RYR2: variants seen among roughly 807,000 people sequenced by gnomAD.
The protein encoded by RYR2 is cardiac muscle ryanodine receptor-calcium release channel.
RYR2 carries 227 observed loss-of-function variants against 601.1 expected under a neutral mutation model. That is an observed-to-expected ratio of 0.38 (90% CI 0.34 to 0.42). RYR2 has a LOEUF of 0.42. RYR2 is among the 10% of genes least tolerant of loss of function. RYR2 has a pLI of 1.00. For synonymous variants in RYR2, 2,223 were observed against 2,175.1 expected (o/e 1.02, Z -0.61); for missense variants, 4,646 against 6,156.5 (o/e 0.75, Z 8.21).
At chr1:237,699,825 A>G (rs972630926) in intron 64 of RYR2, among the ~76,000 whole-genome samples, 2 of 152,220 alleles carry the variant, frequency 1.3e-5, no homozygotes, top group Non-Finnish European at 2.9e-5. Context: ...AACATTCTGT[A>G]TCATTTGTTG....
chr1:237,082,538 T>TATATATATATATAG (rs1331691171), intron 1 of RYR2, among the ~76,000 whole-genome samples: 8 of 115,236 alleles, frequency 6.9e-5, no homozygotes, highest in Admixed American at 6.0e-4. Flanking sequence ...TATATATATA[T>TATATATATATATAG]ATATATATAT....
At chr1:237,417,991 A>G (rs1198200832) in intron 11 of RYR2, among the ~76,000 whole-genome samples, 3 of 152,186 alleles carry the variant, frequency 2.0e-5, no homozygotes, top group African/African-American at 7.2e-5. Flanking sequence ...AACAGACTCT[A>G]TGGGTGGGAA....
chr1:237,490,376 A>G (rs559510703), intron 17 of RYR2, among the ~76,000 whole-genome samples: 7 of 152,356 alleles, frequency 4.6e-5, no homozygotes, highest in African/African-American at 1.7e-4. Context: ...CGTGTGCTCT[A>G]TAGCAATCAA....
At position 237,832,959 on chromosome 1, in the gene RYR2, C is replaced by T; in HGVS notation, c.*312C>T. ...TCTTCTGAGACTCCCGGAGTCTTCT[C>T]GAGCTACGAGACCTTCACAGAGACA... is the stretch of plus-strand genomic sequence containing the variant. On this transcript the variant is annotated 3_prime_UTR_variant, in exon 105 of 105. Coordinates refer to ENST00000366574, the MANE Select transcript of RYR2 (RefSeq NM_001035.3). The T allele has an allele frequency of 5.2e-6, 1 of 190,526 alleles. No homozygotes were observed. The highest frequency in any genetic ancestry group is 1.1e-5 in the Non-Finnish European group (1 of 91,562). The allele number at this position is 190,526 out of a possible 1,614,324, so 11.8% of individuals were successfully genotyped here.
intron 63 of RYR2, among the ~76,000 whole-genome samples, chr1:237,695,028 A>G (rs2149002725): frequency 6.6e-6 from 1 of 152,344 alleles, no homozygotes; most frequent in South Asian, 2.1e-4. Flanking sequence ...CAGAAGAGAG[A>G]GAAGTCAACA....
At chr1:237,189,706 C>T (rs1208544868) in intron 1 of RYR2, among the ~76,000 whole-genome samples, 1 of 152,162 alleles carries the variant, frequency 6.6e-6, no homozygotes, top group Non-Finnish European at 1.5e-5. Flanking sequence ...CATTCTGGCA[C>T]AGTGAGGTCT....
At chr1:237,442,491 C>G (rs990924922) in intron 13 of RYR2, among the ~76,000 whole-genome samples, 20 of 152,156 alleles carry the variant, frequency 1.3e-4, no homozygotes, top group Admixed American at 2.6e-4. Flanking sequence ...ATCCACAGTA[C>G]AGTTACATAG....
At chr1:237,802,942 T>A (rs1773458) in intron 98 of RYR2, among the ~76,000 whole-genome samples, 3 of 151,726 alleles carry the variant, frequency 2.0e-5, no homozygotes, top group Admixed American at 6.6e-5. Context: ...GTTCTGCTAT[T>A]TTAGTAGGCT....
chr1:237,722,503 G>C (rs963001224), intron 73 of RYR2, among the ~76,000 whole-genome samples: 2 of 150,046 alleles, frequency 1.3e-5, no homozygotes, highest in South Asian at 2.1e-4. Flanking sequence ...GCGCGATCTC[G>C]GCTCACTGCA....
intron 35 of RYR2, among the ~76,000 whole-genome samples, chr1:237,606,621 G>A (rs1475898690): frequency 6.6e-6 from 1 of 152,164 alleles, no homozygotes. Flanking sequence ...TACCATCAGA[G>A]TCAACAGGAA....
rs182304359 is a variant in RYR2, at chr1:237,591,466, A to G, written c.4161-273A>G. On this transcript the variant is annotated intron_variant, in intron 31 of 104. Coordinates refer to ENST00000366574, the MANE Select transcript of RYR2 (RefSeq NM_001035.3). ...ATCAGAGTTTCTCAGTCTCAGCACT[A>G]TTGACACTTTAGGCCAGACAATTCT... Among the ~76,000 whole-genome samples the G allele has an allele frequency of 2.4e-3, 362 of 152,156 alleles. 1 individual carries two copies. The highest frequency in any genetic ancestry group is 8.2e-3 in the African/African-American group (341 of 41,494).
At chr1:237,048,283 T>G (rs1360197998) in intron 1 of RYR2, among the ~76,000 whole-genome samples, 1 of 152,170 alleles carries the variant, frequency 6.6e-6, no homozygotes, top group African/African-American at 2.4e-5. Flanking sequence ...AATGCATTTG[T>G]CTAGTTCTCT....
intron 1 of RYR2, among the ~76,000 whole-genome samples, chr1:237,220,683 T>C (rs1683710997): frequency 6.6e-6 from 1 of 152,170 alleles, no homozygotes; most frequent in Non-Finnish European, 1.5e-5. Flanking sequence ...CTTTTCAGAG[T>C]AGATTATTTT....
In RYR2 at chr1:237,481,025, A is replaced by G. The variant is rs568533166; in HGVS notation, c.1709-10781A>G. Among the ~76,000 whole-genome samples the G allele has an allele frequency of 2.7e-4, 41 of 151,664 alleles. No individual in the cohort carries two copies. The South Asian group carries it at 4.1e-3, about 15-fold the overall frequency. On this transcript the variant is annotated intron_variant, in intron 17 of 104. Coordinates refer to ENST00000366574, the MANE Select transcript of RYR2 (RefSeq NM_001035.3). Reference sequence around the variant, plus strand: ...TTAGCCACAAAACCAGCATAAAAATATGAAGCATATGTAATTATGTATTTT... The same window carrying G: ...TTAGCCACAAAACCAGCATAAAAATGTGAAGCATATGTAATTATGTATTTT...
intron 37 of RYR2, among the ~76,000 whole-genome samples, chr1:237,616,750 C>A (rs1198088903): frequency 1.3e-5 from 2 of 152,138 alleles, no homozygotes; most frequent in East Asian, 3.9e-4. Flanking sequence ...TAAAGACATA[C>A]CTGAGACTGA....
chr1:237,544,307 A>G (rs984041395), intron 25 of RYR2, among the ~76,000 whole-genome samples: 1 of 152,160 alleles, frequency 6.6e-6, no homozygotes, highest in Non-Finnish European at 1.5e-5. Context: ...ATACCTGTTC[A>G]GTAAATAAAT....
intron 62 of RYR2, among the ~76,000 whole-genome samples, chr1:237,683,926 T>TTTCTTC (rs10675165): frequency 3.0e-3 from 445 of 150,088 alleles, no homozygotes; most frequent in Non-Finnish European, 3.2e-3. Context: ...GGTGGGTCTT[T>TTTCTTC]TTCTTCTTCT....
intron 1 of RYR2, among the ~76,000 whole-genome samples, chr1:237,072,206 C>A (rs1473941587): frequency 6.6e-6 from 1 of 152,232 alleles, no homozygotes; most frequent in Non-Finnish European, 1.5e-5. Flanking sequence ...GGGCATGCCG[C>A]CCCGGTTGTG....
chr1:237,542,485 A>G (rs77585837), intron 25 of RYR2, among the ~76,000 whole-genome samples: 1,584 of 152,270 alleles, frequency 0.01, 27 homozygotes, highest in African/African-American at 0.037. Context: ...CTCACCTGAT[A>G]GGGAGGTCTT....
Sources: allele counts gnomAD v4.1 joint callset (sites outside exome capture counted in the v4.1 genomes callset), GRCh38; gene constraint gnomAD v4.1.1; transcripts MANE v1.5; gene names NCBI Gene and HGNC (gene_info 2026-07-23, HGNC 2026-07-21).